Variants in CFAP47 observed in about 807,000 individuals in gnomAD.
CFAP47 encodes cilia- and flagella-associated protein 47.
Under a neutral mutation model 148.1 loss-of-function variants are expected in CFAP47, and 29 were observed. The observed-to-expected ratio is 0.20, with a 90% CI of 0.15 to 0.27. The LOEUF is 0.27. Ranked by LOEUF, CFAP47 falls within the 10% of genes least tolerant of loss-of-function variation. CFAP47 has a pLI of 1.00. For synonymous variants in CFAP47, 664 were observed against 577.3 expected (o/e 1.15, Z -2.15); for missense variants, 1,872 against 1,697.5 (o/e 1.10, Z -1.81).
intron 45 of CFAP47, among the ~76,000 whole-genome samples, chrX:36,213,476 A>G (rs1940125185): frequency 1.8e-5 from 2 of 111,766 alleles, no homozygotes; most frequent in African/African-American, 6.5e-5. Flanking sequence ...CTATATTATC[A>G]AAATTATCCC....
chrX:36,369,772 A>G (rs1259103032), intron 62 of CFAP47, among the ~76,000 whole-genome samples: 5 of 111,074 alleles, frequency 4.5e-5, no homozygotes, highest in Non-Finnish European at 9.4e-5. Context: ...GATGCATGGC[A>G]TTTTCTGACC....
intron 39 of CFAP47, among the ~76,000 whole-genome samples, chrX:36,167,901 G>A (rs1187885153): frequency 9.0e-6 from 1 of 111,215 alleles, no homozygotes; most frequent in Non-Finnish European, 1.9e-5. Context: ...GTTTTTTTGG[G>A]TTTCCTTGTT....
chrX:36,028,168 T>G (rs1937241946), intron 22 of CFAP47, among the ~76,000 whole-genome samples: 1 of 111,617 alleles, frequency 9.0e-6, no homozygotes, highest in Non-Finnish European at 1.9e-5. Context: ...TAAGTCCCAT[T>G]TGTCCATTTT....
intron 33 of CFAP47, among the ~76,000 whole-genome samples, chrX:36,113,972 G>A (rs1403079598): frequency 9.1e-6 from 1 of 109,319 alleles, no homozygotes; most frequent in African/African-American, 3.3e-5. Context: ...ACCATGCCCA[G>A]CTAATTTTTT....
intron 1 of CFAP47, among the ~76,000 whole-genome samples, chrX:35,925,532 G>T (rs188325213): frequency 8.9e-6 from 1 of 111,814 alleles, no homozygotes; most frequent in African/African-American, 3.3e-5. Flanking sequence ...TGTAGTCAAC[G>T]AATATATACA....
chrX:36,174,078 C>G (rs1172617690), intron 39 of CFAP47, among the ~76,000 whole-genome samples: 1 of 107,481 alleles, frequency 9.3e-6, no homozygotes, highest in Non-Finnish European at 1.9e-5. Context: ...CTCTTTTGAT[C>G]TTTGTTGGTT....
At chrX:36,264,175 TC>T (rs1378261361) in intron 49 of CFAP47, among the ~76,000 whole-genome samples, 1 of 111,414 alleles carries the variant, frequency 9.0e-6, no homozygotes, top group African/African-American at 3.3e-5. Flanking sequence ...TCTCCTTTCC[TC>T]AAGGGGAAGG....
intron 30 of CFAP47, among the ~76,000 whole-genome samples, chrX:36,087,996 G>T (rs1276000223): frequency 6.3e-5 from 7 of 111,169 alleles, no homozygotes; most frequent in Admixed American, 4.8e-4. Flanking sequence ...GTCCTCATGT[G>T]GTTTTTCCTC....
At chrX:36,021,563 A>C (rs775043977) in intron 22 of CFAP47, among the ~76,000 whole-genome samples, 1 of 111,486 alleles carries the variant, frequency 9.0e-6, no homozygotes, top group African/African-American at 3.3e-5. Context: ...GGTTTGTTAC[A>C]TAGGTATACA....
intron 57 of CFAP47, among the ~76,000 whole-genome samples, chrX:36,333,105 G>A (rs782506946): frequency 1.8e-5 from 2 of 111,693 alleles, no homozygotes; most frequent in African/African-American, 6.5e-5. Flanking sequence ...CCATGTGGAA[G>A]CATCTTATTA....
rs782100115 is a variant in CFAP47 at position 36,296,965 on chromosome X, A to G, written c.7687-2012A>G. On this transcript the variant is annotated intron_variant, in intron 51 of 63. Coordinates refer to ENST00000378653, the MANE Select transcript of CFAP47 (RefSeq NM_001304548.2). ...TTTACACTTTTATTTTTCCTTCTTTATAATTATAAGCGTTGAATATTTTGC... is the reference window on the plus strand; with the variant it reads ...TTTACACTTTTATTTTTCCTTCTTTGTAATTATAAGCGTTGAATATTTTGC... Among the ~76,000 whole-genome samples the G allele has an allele frequency of 1.2e-4, 13 of 111,642 alleles. No homozygotes were observed. In the East Asian group the frequency reaches 3.4e-3, roughly 29 times the overall value.
chrX:36,373,145 C>A (rs1556022235), intron 62 of CFAP47, among the ~76,000 whole-genome samples: 2 of 111,031 alleles, frequency 1.8e-5, no homozygotes, highest in African/African-American at 6.5e-5. Context: ...GACATTTTAA[C>A]AATGTTAATT....
intron 8 of CFAP47, among the ~76,000 whole-genome samples, chrX:35,960,380 GAA>G (rs1188987905): frequency 1.2e-3 from 18 of 15,476 alleles, no homozygotes; most frequent in Admixed American, 2.1e-3. Flanking sequence ...GCTAATTTCT[GAA>G]AAAAAAAAAA....
chrX:36,181,059 A>T (rs1224053836), intron 40 of CFAP47, among the ~76,000 whole-genome samples: 2 of 111,841 alleles, frequency 1.8e-5, no homozygotes, highest in Non-Finnish European at 3.8e-5. Flanking sequence ...GCCTGAATGG[A>T]CTTCAAATAA....
At chrX:36,131,274 G>A (rs187700906) in intron 33 of CFAP47, among the ~76,000 whole-genome samples, 7 of 111,077 alleles carry the variant, frequency 6.3e-5, no homozygotes, top group East Asian at 2.8e-4. Context: ...CATAGAAATC[G>A]GAAACCTCAT....
intron 56 of CFAP47, among the ~76,000 whole-genome samples, chrX:36,312,731 CAT>C (rs1196339689): frequency 1.8e-5 from 2 of 111,941 alleles, no homozygotes; most frequent in Non-Finnish European, 3.8e-5. Context: ...AACAATAAAA[CAT>C]AGCTTGACAA....
intron 49 of CFAP47, among the ~76,000 whole-genome samples, chrX:36,274,139 A>C (rs782029182): frequency 8.9e-6 from 1 of 112,081 alleles, no homozygotes; most frequent in East Asian, 2.8e-4. Flanking sequence ...AAATTATTTT[A>C]CAAATGAATG....
chrX:36,036,036 G>T, intron 24 of CFAP47, among the ~76,000 whole-genome samples, 182 bp downstream of exon 24: 1 of 110,935 alleles, frequency 9.0e-6, no homozygotes, highest in East Asian at 2.8e-4. Flanking sequence ...GACAAAGTTG[G>T]TATATATTCA....
chrX:35,996,139 C>G (rs754885103), intron 18 of CFAP47, among the ~76,000 whole-genome samples: 26 of 110,776 alleles, frequency 2.3e-4, no homozygotes, highest in Non-Finnish European at 4.2e-4. Context: ...CTATGACAGC[C>G]AGGAGTTTTG....
Sources: gnomAD v4.1 joint callset for allele counts (sites outside exome capture counted in the v4.1 genomes callset) on GRCh38, gnomAD v4.1.1 for gene constraint, MANE v1.5 for transcripts, NCBI Gene and HGNC (gene_info 2026-07-23, HGNC 2026-07-21) for gene names.